The following ANGPT1 variants were observed in gnomAD, a reference collection of about 807,000 sequenced individuals.
ANGPT1 encodes angiopoietin-1.
Under a neutral mutation model 62.2 loss-of-function variants are expected in ANGPT1, and 17 were observed. The ratio of observed to expected loss-of-function variants is 0.27; its 90% CI spans 0.19 to 0.41. The LOEUF (loss-of-function observed/expected upper bound fraction) is 0.41, where lower values mean the gene tolerates loss of function less well. Ranked by LOEUF, ANGPT1 falls within the 10% of genes least tolerant of loss-of-function variation. The pLI is 1.00. For synonymous variants in ANGPT1, 199 were observed against 198.9 expected, an observed-to-expected ratio of 1.00 and a Z score of 0.00; for missense variants, 478 against 594.9, an observed-to-expected ratio of 0.80 and a Z score of 2.04.
chr8:107,293,197 GTGATGATGATGA>G (rs5893837), intron 6 of ANGPT1, among the ~76,000 whole-genome samples: 17 of 148,660 alleles, frequency 1.1e-4, no homozygotes, highest in Admixed American at 6.8e-4. Context: ...GAGAAGAACT[GTGATGATGATGA>G]TGATGATGAT....
At chr8:107,422,561 G>T (rs1488880017) in intron 1 of ANGPT1, among the ~76,000 whole-genome samples, 1 of 152,140 alleles carries the variant, frequency 6.6e-6, no homozygotes. Context: ...GGAAATCTTG[G>T]TTCGTGGCTC....
At chr8:107,472,358 G>A (rs1812382502) in intron 1 of ANGPT1, among the ~76,000 whole-genome samples, 1 of 151,986 alleles carries the variant, frequency 6.6e-6, no homozygotes, top group African/African-American at 2.4e-5. Flanking sequence ...CACTTAATGA[G>A]TGAGGAGTTA....
At chr8:107,290,716 T>A (rs925476785) in intron 6 of ANGPT1, among the ~76,000 whole-genome samples, 5 of 152,196 alleles carry the variant, frequency 3.3e-5, no homozygotes, top group African/African-American at 1.2e-4. Context: ...AAAATTGACA[T>A]TCATCTGATA....
chr8:107,420,092 A>C (rs571913525), intron 1 of ANGPT1, among the ~76,000 whole-genome samples: 6 of 152,214 alleles, frequency 3.9e-5, no homozygotes, highest in African/African-American at 1.4e-4. Context: ...AGCTTTTAGG[A>C]TTTCTATAAT....
intron 1 of ANGPT1, among the ~76,000 whole-genome samples, chr8:107,478,953 C>T (rs933726604): frequency 3.3e-5 from 5 of 152,148 alleles, no homozygotes; most frequent in Admixed American, 2.0e-4. Flanking sequence ...GTTCACACAA[C>T]ATCTGGTGGG....
intron 1 of ANGPT1, among the ~76,000 whole-genome samples, chr8:107,445,081 G>C (rs1811580621): frequency 6.6e-6 from 1 of 152,138 alleles, no homozygotes; most frequent in South Asian, 2.1e-4. Context: ...CTCTCACTTT[G>C]CATTTTCTAC....
chr8:107,252,575 G>A (rs1813270786), intron 8 of ANGPT1, among the ~76,000 whole-genome samples: 1 of 152,128 alleles, frequency 6.6e-6, no homozygotes, highest in Admixed American at 6.6e-5. Context: ...ATGCTCAAAA[G>A]GGCTTTTAAT....
intron 1 of ANGPT1, among the ~76,000 whole-genome samples, chr8:107,443,671 T>C: frequency 6.7e-6 from 1 of 150,210 alleles, no homozygotes; most frequent in East Asian, 2.0e-4. Flanking sequence ...AATACAAAAT[T>C]AGCCAGGTGT....
chr8:107,398,500 ATTTTTTT>A (rs10556477), intron 1 of ANGPT1, among the ~76,000 whole-genome samples: 12 of 132,764 alleles, frequency 9.0e-5, no homozygotes, highest in East Asian at 2.2e-4. Flanking sequence ...TTTCTTTTCT[ATTTTTTT>A]TTTTTTTTTT....
intron 1 of ANGPT1, among the ~76,000 whole-genome samples, chr8:107,462,225 T>C (rs1287502208): frequency 2.6e-5 from 4 of 151,914 alleles, no homozygotes; most frequent in Non-Finnish European, 5.9e-5. Context: ...AATGAAAATA[T>C]GAAGAGGGAG....
At chr8:107,396,801 G>C (rs1816945941) in intron 1 of ANGPT1, among the ~76,000 whole-genome samples, 1 of 151,996 alleles carries the variant, frequency 6.6e-6, no homozygotes, top group African/African-American at 2.4e-5. Flanking sequence ...AGGATTATAG[G>C]TGTGAGCCAC....
chr8:107,485,930 T>C (rs1395037716), intron 1 of ANGPT1, among the ~76,000 whole-genome samples: 10 of 152,230 alleles, frequency 6.6e-5, no homozygotes, highest in African/African-American at 2.4e-4. Flanking sequence ...CTTCAAGAGA[T>C]GGTGCTTCTA....
intron 5 of ANGPT1, among the ~76,000 whole-genome samples, chr8:107,297,663 TTTATAA>T (rs1399228283): frequency 6.7e-6 from 1 of 150,036 alleles, no homozygotes; most frequent in Non-Finnish European, 1.5e-5. Flanking sequence ...ATAAATTATC[TTTATAA>T]TTATGATTTC....
intron 1 of ANGPT1, among the ~76,000 whole-genome samples, chr8:107,407,618 GTCT>G (rs1377846175): frequency 1.3e-5 from 2 of 152,134 alleles, no homozygotes; most frequent in Non-Finnish European, 2.9e-5. Context: ...CAACATGAAA[GTCT>G]TCTCAGAAAA....
rs115566705 is a variant in ANGPT1 at position 107,323,705 on chromosome 8, T to A, written c.576-1577A>T. ...ATGATGTCAATCATACTAGTCATGATACCTCTCATTTATGACATGGTTGCT... is the reference window on the plus strand; with the variant it reads ...ATGATGTCAATCATACTAGTCATGAAACCTCTCATTTATGACATGGTTGCT... On this transcript the variant is annotated intron_variant, in intron 3 of 8. Transcript: ENST00000517746. Among the ~76,000 whole-genome samples the A allele has an allele frequency of 2.7e-3, 417 of 152,318 alleles. 3 individuals carry two copies. Among genetic ancestry groups the A allele is most frequent in the African/African-American group, 9.6e-3 (397 of 41,568 alleles).
At chr8:107,457,111 G>T (rs1437000624) in intron 1 of ANGPT1, among the ~76,000 whole-genome samples, 1 of 151,990 alleles carries the variant, frequency 6.6e-6, no homozygotes, top group African/African-American at 2.4e-5. Context: ...CTACTAGTAT[G>T]AAGAATAAAA....
intron 6 of ANGPT1, among the ~76,000 whole-genome samples, chr8:107,291,786 T>G (rs1190663595): frequency 6.6e-6 from 1 of 151,650 alleles, no homozygotes; most frequent in Middle Eastern, 3.2e-3. Flanking sequence ...CTCATATATT[T>G]TTAGAATCAC....
At chr8:107,482,962 G>A (rs896500588) in intron 1 of ANGPT1, among the ~76,000 whole-genome samples, 1 of 152,000 alleles carries the variant, frequency 6.6e-6, no homozygotes, top group Non-Finnish European at 1.5e-5. Flanking sequence ...TTTTTCACAA[G>A]AGGATATTTT....
chr8:107,289,456 G>A (rs560802216), intron 6 of ANGPT1, among the ~76,000 whole-genome samples: 1 of 152,202 alleles, frequency 6.6e-6, no homozygotes, highest in Admixed American at 6.5e-5. Context: ...TCCATGGGTT[G>A]CATCTTTTTT....
Sources: gnomAD v4.1 joint callset for allele counts (sites outside exome capture counted in the v4.1 genomes callset) on GRCh38, gnomAD v4.1.1 for gene constraint, MANE v1.5 for transcripts, NCBI Gene and HGNC (gene_info 2026-07-23, HGNC 2026-07-21) for gene names.